The following TASP1 variants were observed in gnomAD, a reference collection of about 807,000 sequenced individuals.
TASP1 encodes threonine aspartase 1.
A neutral mutation model predicts 56.6 loss-of-function variants in TASP1; 16 were observed. That is an observed-to-expected ratio of 0.28 (90% CI 0.19 to 0.43). The LOEUF (loss-of-function observed/expected upper bound fraction) is 0.43, where lower values mean the gene tolerates loss of function less well. Ranked by LOEUF, TASP1 falls within the 20% of genes least tolerant of loss-of-function variation. The pLI, the probability that TASP1 is intolerant of heterozygous loss-of-function variation, is 1.00. For missense variants in TASP1, 393 were observed against 511.6 expected (o/e 0.77, Z 2.24); for synonymous variants, 179 against 184.2 (o/e 0.97, Z 0.23).
chr20:13,135,051 T>C, the TASP1 span, among the ~76,000 whole-genome samples: 2 of 152,210 alleles, frequency 1.3e-5, no homozygotes, highest in East Asian at 3.9e-4. Flanking sequence ...TGTAAAGTCA[T>C]TAAGAGTTCA....
intron 10 of TASP1, among the ~76,000 whole-genome samples, chr20:13,527,612 G>A (rs377369171): frequency 2.0e-4 from 30 of 151,722 alleles, no homozygotes; most frequent in African/African-American, 6.8e-4. Flanking sequence ...CTGCACACAC[G>A]CACGCACGCA....
At chr20:13,566,894 A>C (rs939728505) in intron 7 of TASP1, among the ~76,000 whole-genome samples, 1 of 152,192 alleles carries the variant, frequency 6.6e-6, no homozygotes, top group African/African-American at 2.4e-5. Context: ...TAAAAACAGA[A>C]CTACCATTTG....
chr20:13,164,818 C>G, the TASP1 span: 1 of 1,613,842 alleles, frequency 6.2e-7, no homozygotes, highest in Non-Finnish European at 8.5e-7. Context: ...CACAAGAAGT[C>G]AGCACGTCCT....
At chr20:13,433,882 T>C (rs1187735370) in intron 12 of TASP1, among the ~76,000 whole-genome samples, 2 of 148,426 alleles carry the variant, frequency 1.3e-5, no homozygotes, top group Non-Finnish European at 3.0e-5. Context: ...ACTAATACAC[T>C]GAGCTATCAC....
intron 4 of TASP1, among the ~76,000 whole-genome samples, chr20:13,622,021 T>C (rs926597416): frequency 3.3e-5 from 5 of 152,208 alleles, no homozygotes; most frequent in African/African-American, 1.2e-4. Flanking sequence ...ATTTTTCTCC[T>C]CTTATCCTCA....
At chr20:13,507,465 G>T (rs530533122) in intron 10 of TASP1, among the ~76,000 whole-genome samples, 1 of 152,002 alleles carries the variant, frequency 6.6e-6, no homozygotes, top group African/African-American at 2.4e-5. Context: ...CCCAGGAGGC[G>T]ATTCCATTGA....
the TASP1 span, among the ~76,000 whole-genome samples, chr20:13,267,601 C>CTA: frequency 6.6e-6 from 1 of 152,152 alleles, no homozygotes. Context: ...TGGTCTGGGG[C>CTA]TAAGCCAGAA....
intron 4 of TASP1, among the ~76,000 whole-genome samples, chr20:13,615,928 C>T (rs1261066909): frequency 6.6e-6 from 1 of 152,050 alleles, no homozygotes; most frequent in Non-Finnish European, 1.5e-5. Flanking sequence ...AATTAAACAC[C>T]ATCATACCAG....
At chr20:13,235,927 C>CTTTTTTT in the TASP1 span, among the ~76,000 whole-genome samples, 1 of 149,580 alleles carries the variant, frequency 6.7e-6, no homozygotes, top group Non-Finnish European at 1.5e-5. Context: ...TTGTACTTCC[C>CTTTTTTT]TTTTTTCTTT....
At chr20:13,214,546 C>CAGAGAG in the TASP1 span, among the ~76,000 whole-genome samples, 2 of 133,788 alleles carry the variant, frequency 1.5e-5, no homozygotes, top group South Asian at 2.4e-4. Context: ...CACACACACA[C>CAGAGAG]ACACACACAC....
chr20:13,221,503 C>T, the TASP1 span, among the ~76,000 whole-genome samples: 1 of 143,426 alleles, frequency 7.0e-6, no homozygotes, highest in South Asian at 2.2e-4. Flanking sequence ...CCGGGGCTTG[C>T]TCCGCAGCCG....
chr20:13,257,243 G>A, the TASP1 span, among the ~76,000 whole-genome samples: 13 of 152,256 alleles, frequency 8.5e-5, no homozygotes, highest in African/African-American at 2.6e-4. Context: ...GGCCAGGCTC[G>A]ATGGCTCATG....
chr20:13,117,753 T>C, the TASP1 span: 1 of 1,579,696 alleles, frequency 6.3e-7, no homozygotes, highest in Non-Finnish European at 8.6e-7. Context: ...TGTGTCTGTT[T>C]AAAACCTGAG....
intron 6 of TASP1, among the ~76,000 whole-genome samples, chr20:13,570,625 G>A (rs962301887): frequency 1.3e-5 from 2 of 151,964 alleles, no homozygotes; most frequent in African/African-American, 2.4e-5. Flanking sequence ...ATAAAGATGG[G>A]GATGGAGGGA....
At chr20:13,376,344 T>C in the TASP1 span, among the ~76,000 whole-genome samples, 1 of 152,216 alleles carries the variant, frequency 6.6e-6, no homozygotes. Context: ...CCTTTCCCCA[T>C]TGCTTGTTTT....
chr20:13,307,886 A>T, the TASP1 span, among the ~76,000 whole-genome samples: 2 of 152,336 alleles, frequency 1.3e-5, no homozygotes, highest in African/African-American at 4.8e-5. Flanking sequence ...GAGTGCTACT[A>T]TGGACAGTCC....
the TASP1 span, among the ~76,000 whole-genome samples, chr20:13,338,712 T>TTACA: frequency 0.041 from 6,185 of 152,282 alleles, 182 homozygotes; most frequent in Non-Finnish European, 0.063. Context: ...GTCTTGGACT[T>TTACA]GCTTGAATTT....
At chr20:13,160,222 G>C in the TASP1 span, 9 of 1,442,540 alleles carry the variant, frequency 6.2e-6, no homozygotes. Context: ...GGTTCTCTGG[G>C]TTTCTCTTGG....
At chr20:13,446,518 A>G (rs564175229) in intron 11 of TASP1, among the ~76,000 whole-genome samples, 72 of 152,108 alleles carry the variant, frequency 4.7e-4, no homozygotes, top group Admixed American at 2.0e-3. Context: ...CCCACAAAAT[A>G]ATACAAAATG....
Sources: gnomAD v4.1 joint callset for allele counts (sites outside exome capture counted in the v4.1 genomes callset) on GRCh38, gnomAD v4.1.1 for gene constraint, MANE v1.5 for transcripts, NCBI Gene and HGNC (gene_info 2026-07-23, HGNC 2026-07-21) for gene names.